Variants in DST observed in about 807,000 individuals in gnomAD.
DST encodes bullous pemphigoid antigen.
A neutral mutation model predicts 875.2 loss-of-function variants in DST; 253 were observed. The observed-to-expected ratio is 0.29, with a 90% CI of 0.26 to 0.32. DST has a LOEUF of 0.32. Among genes scored for constraint, DST ranks in the 10% least tolerant of loss-of-function variants. The pLI is 1.00. For missense variants in DST, 8,287 were observed against 9,111.6 expected, an observed-to-expected ratio of 0.91 and a Z score of 3.68; for synonymous variants, 3,124 against 3,197.1, an observed-to-expected ratio of 0.98 and a Z score of 0.77.
chr6:56,510,185 C>T (rs915323120), intron 73 of DST, among the ~76,000 whole-genome samples: 4 of 152,244 alleles, frequency 2.6e-5, no homozygotes, highest in African/African-American at 9.6e-5. Context: ...GCAGCAATGT[C>T]TCTTTACCTG....
chr6:56,632,091 G>C lies in DST; in HGVS notation c.3806-51C>G, dbSNP rs369229026. 48 of 1,458,242 alleles carry C rather than the reference G, an allele frequency of 3.3e-5. No individual in the cohort carries two copies. In the African/African-American group the frequency reaches 5.9e-4, roughly 18 times the overall value. 90.3% of individuals were successfully genotyped at this position (1,458,242 alleles called of 1,614,324 possible). On this transcript the variant is annotated intron_variant, in intron 28 of 103. Coordinates refer to ENST00000680361, the MANE Select transcript of DST (RefSeq NM_001374736.1). ...ATACCTTGTTTTCTATCTCTTAGAA[G>C]CTTCTGTTTATGTTTTAATATGAGA...
chr6:56,700,501 A>C (rs2099295136), intron 8 of DST, among the ~76,000 whole-genome samples: 1 of 152,198 alleles, frequency 6.6e-6, no homozygotes, highest in South Asian at 2.1e-4. Flanking sequence ...TTTCCATTAC[A>C]AGGTTTTAAA....
In DST at chr6:56,607,684, T is replaced by G. The variant is rs769340934; in HGVS notation, c.6944A>C (p.Glu2315Ala). The change falls in exon 40 of 104, where the codon GAA (glutamate) becomes GCA (alanine). Residue 2315 changes from glutamate (E) to alanine (A), a missense_variant. Coordinates refer to ENST00000680361, the MANE Select transcript of DST (RefSeq NM_001374736.1). ...TGCCAGTTTTCCTGACTGAGAAAAT[T>G]CACTATTGATAACAGTATTTCTCAT... ...NEMRNTVINS[E>A]FSQSGKLAST... 6.8e-6 allele frequency: 11 copies of G among 1,613,310 alleles called. No homozygotes were observed. In the Admixed American group the frequency reaches 1.7e-4, roughly 24 times the overall value.
At chr6:56,683,671 T>C (rs1349907420) in intron 9 of DST, among the ~76,000 whole-genome samples, 1 of 152,190 alleles carries the variant, frequency 6.6e-6, no homozygotes, top group Non-Finnish European at 1.5e-5. Flanking sequence ...ACAGAAAAAG[T>C]ATGAAAGATC....
chr6:56,708,684 A>G (rs2099350689), intron 5 of DST, among the ~76,000 whole-genome samples: 1 of 152,210 alleles, frequency 6.6e-6, no homozygotes, highest in South Asian at 2.1e-4. Context: ...AAATGAGTGG[A>G]ATAAAAGAGG....
At chr6:56,942,506 T>C (rs1021293269) in intron 2 of DST, among the ~76,000 whole-genome samples, 7 of 152,136 alleles carry the variant, frequency 4.6e-5, no homozygotes, top group African/African-American at 1.7e-4. Context: ...AGAGTTAAAA[T>C]ATGCATCCTT....
At chr6:56,816,240 G>A (rs1242590085) in intron 4 of DST, among the ~76,000 whole-genome samples, 2 of 152,098 alleles carry the variant, frequency 1.3e-5, no homozygotes, top group African/African-American at 4.8e-5. Flanking sequence ...AATAACATGA[G>A]GTAAACCCAA....
intron 10 of DST, among the ~76,000 whole-genome samples, chr6:56,653,702 C>A (rs1005641569): frequency 3.3e-5 from 5 of 151,956 alleles, no homozygotes; most frequent in African/African-American, 9.7e-5. Flanking sequence ...ACACAAAAAA[C>A]CACTATGAAA....
chr6:56,463,736 A>T lies in DST; in HGVS notation c.22788T>A (p.Arg7596=), dbSNP rs1322173782. 6.2e-7 allele frequency: 1 copy of T among 1,613,540 alleles called. No individual in the cohort carries two copies. The highest frequency in any genetic ancestry group is 1.1e-5 in the South Asian group (1 of 91,064). Residue 7596 remains arginine, a synonymous_variant, in exon 101 of 104, where the codon CGT becomes CGA. Coordinates refer to ENST00000680361, the MANE Select transcript of DST (RefSeq NM_001374736.1). ...CACCATCTGCTAAAATGAACTTCTCACGCAGTTCCATGTTTGTCCTTCCTT... is the reference window on the plus strand; with the variant it reads ...CACCATCTGCTAAAATGAACTTCTCTCGCAGTTCCATGTTTGTCCTTCCTT... ...IAKGRTNMEL[R]EKFILADGAS... is the part of the protein sequence containing the mutation.
chr6:56,655,761 C>T (rs1475210382), intron 10 of DST, among the ~76,000 whole-genome samples: 2 of 152,126 alleles, frequency 1.3e-5, no homozygotes, highest in Non-Finnish European at 2.9e-5. Flanking sequence ...ATTACCTGGC[C>T]AACTCGAATT....
chr6:56,476,784 T>C (rs1313941660), intron 91 of DST, among the ~76,000 whole-genome samples: 1 of 151,872 alleles, frequency 6.6e-6, no homozygotes, highest in African/African-American at 2.4e-5. Context: ...AAACCATCTC[T>C]ACTAAAAATA....
At chr6:56,667,941 AT>A (rs1470389411) in intron 10 of DST, among the ~76,000 whole-genome samples, 1 of 151,556 alleles carries the variant, frequency 6.6e-6, no homozygotes, top group African/African-American at 2.4e-5. Context: ...AATCTATTTT[AT>A]TTTTTTAGAG....
chr6:56,822,650 T>C (rs996441341), intron 4 of DST, among the ~76,000 whole-genome samples: 2 of 152,138 alleles, frequency 1.3e-5, no homozygotes, highest in South Asian at 2.1e-4. Flanking sequence ...GATCCTCAAA[T>C]AAATCATTAA....
chr6:56,821,779 A>T (rs1341571010), intron 4 of DST, among the ~76,000 whole-genome samples: 2 of 152,202 alleles, frequency 1.3e-5, no homozygotes, highest in African/African-American at 4.8e-5. Flanking sequence ...AAATATAGAA[A>T]TCTGACCTAT....
intron 98 of DST, chr6:56,467,144 TGTCATCCC>T (rs1163619153): frequency 6.6e-6 from 1 of 152,184 alleles, no homozygotes; most frequent in African/African-American, 2.4e-5. Context: ...ATTTCACGGT[TGTCATCCC>T]AGCAGACAAG....
intron 2 of DST, among the ~76,000 whole-genome samples, chr6:56,918,148 ACAGAGT>A (rs1802250828): frequency 7.0e-6 from 1 of 142,286 alleles, no homozygotes; most frequent in African/African-American, 2.8e-5. Context: ...TTTTTTTGAG[ACAGAGT>A]CTTGCTTTGT....
chr6:56,477,644 GACAAAATAGA>G (rs750874887), intron 90 of DST, among the ~76,000 whole-genome samples, 156 bp from the exon 91 acceptor site: 7 of 152,126 alleles, frequency 4.6e-5, no homozygotes, highest in Admixed American at 6.5e-5. Flanking sequence ...AGGAAAAGGG[GACAAAATAGA>G]AAACAAAGTA....
chr6:56,690,300 C>A (rs933954856), intron 9 of DST, among the ~76,000 whole-genome samples: 1 of 152,136 alleles, frequency 6.6e-6, no homozygotes, highest in African/African-American at 2.4e-5. Flanking sequence ...TGTCTGAAAC[C>A]ATTATTCCAA....
At position 56,593,686 on chromosome 6, in the gene DST, G is replaced by A. The variant is rs778888568; in HGVS notation, c.12703C>T (p.Arg4235Trp). The A allele has an allele frequency of 5.1e-5, 82 of 1,606,476 alleles. No homozygotes were observed. The highest frequency in any genetic ancestry group is 8.4e-5 in the Admixed American group (5 of 59,418). ...ACCTTAGAGTAGAGAGACCTGAACC[G>A]ATCAGTAGCATGATCCAACTTGCGC... ...VQRKLDHATD[R>W]FRSLYSKCNV... The change falls in exon 48 of 104, where the codon CGG becomes TGG. Residue 4235 changes from arginine to tryptophan, a missense_variant. Around this residue, in one of 10 missense-constraint regions of DST, gnomAD observed 1,513 missense variants for 1,677.8 expected, o/e 0.90. Coordinates refer to ENST00000680361, the MANE Select transcript of DST (RefSeq NM_001374736.1).
Sources: allele counts gnomAD v4.1 joint callset (sites outside exome capture counted in the v4.1 genomes callset), GRCh38; gene constraint gnomAD v4.1.1; regional missense constraint gnomAD v4.1.1; transcripts MANE v1.5; gene names NCBI Gene and HGNC (gene_info 2026-07-23, HGNC 2026-07-21).